The following TAFA1 variants were observed in gnomAD, a reference collection of about 807,000 sequenced individuals.
TAFA1 encodes the protein chemokine-like protein TAFA-1.
Under a neutral mutation model 18.5 loss-of-function variants are expected in TAFA1, and 4 were observed. That is an observed-to-expected ratio of 0.22 (90% CI 0.11 to 0.49). The LOEUF (loss-of-function observed/expected upper bound fraction) is 0.49. Ranked by LOEUF, TAFA1 falls within the 20% of genes least tolerant of loss-of-function variation. The pLI is 0.98. For synonymous variants in TAFA1, 56 were observed against 55.2 expected, an observed-to-expected ratio of 1.01 and a Z score of -0.06; for missense variants, 147 against 169.0, an observed-to-expected ratio of 0.87 and a Z score of 0.72.
At chr3:68,527,703 T>G (rs930292521) in intron 3 of TAFA1, among the ~76,000 whole-genome samples, 14 of 152,144 alleles carry the variant, frequency 9.2e-5, no homozygotes, top group African/African-American at 3.1e-4. Flanking sequence ...AGAGACTGTA[T>G]GCTGCTTTAG....
intron 2 of TAFA1, among the ~76,000 whole-genome samples, chr3:68,304,014 G>C (rs1436625467): frequency 6.6e-6 from 1 of 152,126 alleles, no homozygotes. Flanking sequence ...GGAAATTGAA[G>C]TGTAGTAATA....
At chr3:68,417,827 T>A (rs2070869116) in intron 3 of TAFA1, among the ~76,000 whole-genome samples, 1 of 152,100 alleles carries the variant, frequency 6.6e-6, no homozygotes, top group African/African-American at 2.4e-5. Flanking sequence ...CAGGAAACTT[T>A]CAATCACAGG....
Position 68,058,467 on chromosome 3 carries a change from A to T in TAFA1, c.118+51723A>T, listed in dbSNP as rs190322171. 1.9e-4 allele frequency among the ~76,000 whole-genome samples: 29 copies of T among 152,270 alleles called. No homozygotes were observed. In the East Asian group the frequency reaches 5.6e-3, roughly 29 times the overall value. ...TTTAAGCTTGAATCAATTCTGTAAG[A>T]TCATTTTCCCCTTCTCTCCCTTACC... On this transcript the variant is annotated intron_variant, in intron 2 of 4. Coordinates refer to ENST00000478136, the MANE Select transcript of TAFA1 (RefSeq NM_213609.4).
At chr3:68,034,490 A>C (rs978227947) in intron 2 of TAFA1, among the ~76,000 whole-genome samples, 1 of 152,224 alleles carries the variant, frequency 6.6e-6, no homozygotes, top group African/African-American at 2.4e-5. Context: ...GAAGGATTTG[A>C]GCCCAAGCAG....
At chr3:68,434,190 G>A (rs894141515) in intron 3 of TAFA1, among the ~76,000 whole-genome samples, 1 of 152,180 alleles carries the variant, frequency 6.6e-6, no homozygotes, top group Middle Eastern at 3.4e-3. Context: ...ATAAACTTAA[G>A]TTTTTATGTT....
intron 2 of TAFA1, among the ~76,000 whole-genome samples, chr3:68,057,816 GTTGGT>G (rs1373908772): frequency 6.6e-6 from 1 of 152,154 alleles, no homozygotes; most frequent in Non-Finnish European, 1.5e-5. Flanking sequence ...TGGCACAATG[GTTGGT>G]TTGAAGACAG....
At chr3:68,522,734 A>G (rs2073046878) in intron 3 of TAFA1, among the ~76,000 whole-genome samples, 1 of 152,076 alleles carries the variant, frequency 6.6e-6, no homozygotes, top group Non-Finnish European at 1.5e-5. Context: ...CTGTAATCCC[A>G]GTTACTCTGG....
intron 2 of TAFA1, among the ~76,000 whole-genome samples, chr3:68,032,978 A>T (rs899085188): frequency 6.6e-6 from 1 of 151,992 alleles, no homozygotes; most frequent in Non-Finnish European, 1.5e-5. Context: ...CCTATGTATG[A>T]TATCCTTTCA....
chr3:68,524,448 T>C (rs780570678), intron 3 of TAFA1, among the ~76,000 whole-genome samples: 4 of 152,054 alleles, frequency 2.6e-5, no homozygotes, highest in Admixed American at 2.0e-4. Flanking sequence ...AGAGGAAGCA[T>C]TTGTAATTGT....
intron 2 of TAFA1, among the ~76,000 whole-genome samples, chr3:68,313,751 G>A (rs2106686280): frequency 6.6e-6 from 1 of 152,304 alleles, no homozygotes; most frequent in South Asian, 2.1e-4. Flanking sequence ...TAACTGGATG[G>A]ACTTGTGTTG....
intron 2 of TAFA1, among the ~76,000 whole-genome samples, chr3:68,412,877 T>C (rs1291496375): frequency 2.0e-5 from 3 of 152,060 alleles, no homozygotes; most frequent in Non-Finnish European, 4.4e-5. Context: ...TTTATAGTCC[T>C]TTGGGTATAT....
chr3:68,195,123 T>C (rs1393650285), intron 2 of TAFA1, among the ~76,000 whole-genome samples: 2 of 151,540 alleles, frequency 1.3e-5, no homozygotes, highest in Non-Finnish European at 3.0e-5. Flanking sequence ...TAGCCTTAAA[T>C]AGCCCAGAGC....
At chr3:68,370,472 G>GTATATA (rs749877780) in intron 2 of TAFA1, among the ~76,000 whole-genome samples, 86 of 32,998 alleles carry the variant, frequency 2.6e-3, no homozygotes, top group Non-Finnish European at 3.7e-3. Context: ...GTGTGTGTGT[G>GTATATA]TATATATATA....
intron 2 of TAFA1, among the ~76,000 whole-genome samples, chr3:68,010,911 A>C (rs969156907): frequency 3.1e-4 from 47 of 152,306 alleles, no homozygotes; most frequent in African/African-American, 1.1e-3. Context: ...CACACTAAAA[A>C]ATGAAAACTC....
intron 2 of TAFA1, among the ~76,000 whole-genome samples, chr3:68,233,118 T>A (rs960624922): frequency 6.6e-6 from 1 of 152,174 alleles, no homozygotes; most frequent in African/African-American, 2.4e-5. Flanking sequence ...CATTGAGCAT[T>A]TTTTCATTTA....
In TAFA1 at chr3:68,043,967, A is replaced by G. The variant is rs188960598; in HGVS notation, c.118+37223A>G. 7.9e-3 allele frequency among the ~76,000 whole-genome samples: 1,199 copies of G among 152,304 alleles called. 16 individuals are homozygous for G. Among genetic ancestry groups the G allele is most frequent in the African/African-American group, 0.027 (1,113 of 41,556 alleles). ...AATTCATTTCTGTTTTCTGACCTAG[A>G]ACCCCCTGCCCATTATCCCAGCCAA... On this transcript the variant is annotated intron_variant, in intron 2 of 4. Coordinates refer to ENST00000478136, the MANE Select transcript of TAFA1 (RefSeq NM_213609.4).
At chr3:68,286,695 A>G (rs893851582) in intron 2 of TAFA1, among the ~76,000 whole-genome samples, 1 of 152,232 alleles carries the variant, frequency 6.6e-6, no homozygotes, top group Non-Finnish European at 1.5e-5. Flanking sequence ...TGGAGAGGTC[A>G]TTGCTGACAT....
intron 3 of TAFA1, among the ~76,000 whole-genome samples, chr3:68,500,322 C>T (rs1337754496): frequency 1.3e-5 from 2 of 151,988 alleles, no homozygotes; most frequent in African/African-American, 4.8e-5. Flanking sequence ...TTGTAAAATA[C>T]AATAAAAATG....
intron 2 of TAFA1, among the ~76,000 whole-genome samples, chr3:68,372,782 G>C (rs993615500): frequency 1.3e-5 from 2 of 151,804 alleles, no homozygotes; most frequent in Admixed American, 1.3e-4. Flanking sequence ...AATACATTTA[G>C]CACTAAGAAA....
Sources: gnomAD v4.1 joint callset for allele counts (sites outside exome capture counted in the v4.1 genomes callset) on GRCh38, gnomAD v4.1.1 for gene constraint, MANE v1.5 for transcripts, NCBI Gene and HGNC (gene_info 2026-07-23, HGNC 2026-07-21) for gene names.